The following CDH13 variants were observed in gnomAD, a reference collection of about 807,000 sequenced individuals.
The protein encoded by CDH13 is cadherin-13.
A neutral mutation model predicts 63.8 loss-of-function variants in CDH13; 24 were observed. The observed-to-expected ratio is 0.38, with a 90% CI of 0.27 to 0.53. The LOEUF is 0.53. Among genes scored for constraint, CDH13 ranks in the 20% least tolerant of loss-of-function variants. The pLI, the probability that CDH13 is intolerant of heterozygous loss-of-function variation, is 0.85. For synonymous variants in CDH13, 503 were observed against 355.3 expected, an observed-to-expected ratio of 1.42 and a Z score of -4.67; for missense variants, 1,049 against 903.1, an observed-to-expected ratio of 1.16 and a Z score of -2.07.
At chr16:83,472,744 T>C (rs1487659940) in intron 6 of CDH13, among the ~76,000 whole-genome samples, 1 of 152,208 alleles carries the variant, frequency 6.6e-6, no homozygotes, top group Admixed American at 6.5e-5. Context: ...AAACAGATTA[T>C]TCATACAGAG....
At chr16:83,114,010 C>G (rs760735309) in intron 3 of CDH13, among the ~76,000 whole-genome samples, 8 of 152,272 alleles carry the variant, frequency 5.3e-5, no homozygotes, top group Non-Finnish European at 8.8e-5. Context: ...GAAGAGAGAA[C>G]ATCTGGAGTT....
chr16:83,785,242 G>C (rs563456690), intron 13 of CDH13, among the ~76,000 whole-genome samples: 1 of 152,190 alleles, frequency 6.6e-6, no homozygotes, highest in Non-Finnish European at 1.5e-5. Flanking sequence ...CATGGTTCTG[G>C]AGGCTGAGAA....
intron 1 of CDH13, among the ~76,000 whole-genome samples, chr16:82,805,511 G>A (rs1372994687): frequency 6.6e-6 from 1 of 152,158 alleles, no homozygotes; most frequent in Admixed American, 6.5e-5. Flanking sequence ...ACCAAAATGA[G>A]TTCGGGGGCC....
In CDH13 at chr16:83,492,367, A is replaced by T. The variant is rs115794863; in HGVS notation, c.960+5712A>T. ...ATTGGCAGTAATTACACACAATTCA[A>T]TCATGCTGTCAGGAATATTATCTTG... On this transcript the variant is annotated intron_variant, in intron 7 of 13. Coordinates refer to ENST00000567109, the MANE Select transcript of CDH13 (RefSeq NM_001257.5). Among the ~76,000 whole-genome samples, 654 of 152,304 alleles carry T rather than the reference A, an allele frequency of 4.3e-3. 8 individuals carry two copies. Among genetic ancestry groups the T allele is most frequent in the African/African-American group, 0.015 (630 of 41,566 alleles).
At chr16:83,388,985 G>A (rs988627275) in intron 6 of CDH13, among the ~76,000 whole-genome samples, 1 of 152,126 alleles carries the variant, frequency 6.6e-6, no homozygotes, top group African/African-American at 2.4e-5. Context: ...GGGCGCTTGT[G>A]AAAAACCCAT....
At chr16:83,746,085 C>G (rs1406356760) in intron 10 of CDH13, among the ~76,000 whole-genome samples, 1 of 152,198 alleles carries the variant, frequency 6.6e-6, no homozygotes, top group East Asian at 1.9e-4. Context: ...ATTATACCTA[C>G]TATAATAAAT....
chr16:82,750,125 A>T (rs556862268), intron 1 of CDH13, among the ~76,000 whole-genome samples: 1 of 152,272 alleles, frequency 6.6e-6, no homozygotes, highest in African/African-American at 2.4e-5. Flanking sequence ...ACATAAGTTG[A>T]GCGGGGTGCT....
intron 7 of CDH13, among the ~76,000 whole-genome samples, chr16:83,522,365 CA>C (rs1284503312): frequency 1.3e-5 from 2 of 152,090 alleles, no homozygotes; most frequent in Non-Finnish European, 2.9e-5. Flanking sequence ...TATGGACTGT[CA>C]AAATTAACAT....
chr16:82,897,282 G>A (rs927818258), intron 2 of CDH13, among the ~76,000 whole-genome samples: 1 of 152,108 alleles, frequency 6.6e-6, no homozygotes, highest in African/African-American at 2.4e-5. Flanking sequence ...CAGCAGCTGG[G>A]GTAGCTGATC....
chr16:83,561,753 C>A (rs1041878131), intron 7 of CDH13, among the ~76,000 whole-genome samples: 4 of 152,086 alleles, frequency 2.6e-5, no homozygotes, highest in African/African-American at 9.7e-5. Context: ...ATGGTATATG[C>A]GGAATAAATT....
intron 4 of CDH13, among the ~76,000 whole-genome samples, chr16:83,137,449 C>G (rs773039844): frequency 6.6e-6 from 1 of 152,140 alleles, no homozygotes; most frequent in Non-Finnish European, 1.5e-5. Context: ...CGTGTTTGTG[C>G]GCTGAGTCAG....
Position 83,780,112 on chromosome 16 carries a change from A to C in CDH13, c.1826A>C (p.Lys609Thr), listed in dbSNP as rs1248983494. The change falls in exon 12 of 14, where the codon AAG becomes ACG. Residue 609 changes from lysine to threonine, a missense_variant. Lys to Thr is a moderately conservative substitution (Grantham distance 78, BLOSUM62 -1). Transcript: ENST00000567109. Reference sequence around the variant, plus strand: ...GTAGTCATTTTGGGAGCATCAGATAAGGATCTTCACCCGAATACAGATCCT... The same window carrying C: ...GTAGTCATTTTGGGAGCATCAGATACGGATCTTCACCCGAATACAGATCCT... ...LSVVILGASDKDLHPNTDPFK... is the reference protein window; with the variant it reads ...LSVVILGASDTDLHPNTDPFK... 1 of 1,613,762 alleles carries C rather than the reference A, an allele frequency of 6.2e-7. No homozygotes were observed. The highest frequency in any genetic ancestry group is 8.5e-7 in the Non-Finnish European group (1 of 1,179,838).
At chr16:83,461,187 T>C (rs1178694130) in intron 6 of CDH13, among the ~76,000 whole-genome samples, 1 of 152,176 alleles carries the variant, frequency 6.6e-6, no homozygotes, top group South Asian at 2.1e-4. Context: ...ATATGTTGTA[T>C]ATGCATGTGT....
At chr16:82,841,133 A>G (rs571686997) in intron 1 of CDH13, among the ~76,000 whole-genome samples, 16 of 152,346 alleles carry the variant, frequency 1.1e-4, no homozygotes, top group African/African-American at 3.8e-4. Context: ...CAACCTTACC[A>G]TCCACGGAGT....
intron 6 of CDH13, among the ~76,000 whole-genome samples, chr16:83,389,360 T>G (rs1167500232): frequency 6.6e-6 from 1 of 152,218 alleles, no homozygotes; most frequent in Non-Finnish European, 1.5e-5. Flanking sequence ...ACCATAACGT[T>G]ATTTTCAAAT....
At chr16:82,712,341 A>G (rs2032013362) in intron 1 of CDH13, among the ~76,000 whole-genome samples, 1 of 152,184 alleles carries the variant, frequency 6.6e-6, no homozygotes, top group African/African-American at 2.4e-5. Context: ...CTCCACAAAG[A>G]TTTGTATAAA....
chr16:82,829,870 C>T (rs1167023539), intron 1 of CDH13, among the ~76,000 whole-genome samples: 1 of 152,174 alleles, frequency 6.6e-6, no homozygotes, highest in Non-Finnish European at 1.5e-5. Context: ...GCTTTCTCAT[C>T]ATTTCCATTT....
chr16:83,518,577 A>G (rs1045929759), intron 7 of CDH13, among the ~76,000 whole-genome samples: 4 of 149,978 alleles, frequency 2.7e-5, no homozygotes, highest in Non-Finnish European at 1.5e-5. Flanking sequence ...GGTTCACGGC[A>G]TTCTCCTGCC....
At chr16:82,793,812 G>A (rs12931912) in intron 1 of CDH13, among the ~76,000 whole-genome samples, 40,962 of 152,014 alleles carry the variant, frequency 0.27, 5,770 homozygotes, top group Admixed American at 0.31. Context: ...AGAGATGACT[G>A]CATCTCAGGT....
Sources: gnomAD v4.1 joint callset for allele counts (sites outside exome capture counted in the v4.1 genomes callset) on GRCh38, gnomAD v4.1.1 for gene constraint, MANE v1.5 for transcripts, NCBI Gene and HGNC (gene_info 2026-07-23, HGNC 2026-07-21) for gene names.